KDM4B: variants seen among roughly 807,000 people sequenced by gnomAD.
KDM4B encodes the protein lysine demethylase 4B.
Under a neutral mutation model 125.2 loss-of-function variants are expected in KDM4B, and 32 were observed. The ratio of observed to expected loss-of-function variants is 0.26; its 90% CI spans 0.19 to 0.34. The LOEUF is 0.34. Among genes scored for constraint, KDM4B ranks in the 10% least tolerant of loss-of-function variants. The pLI, the probability that KDM4B is intolerant of heterozygous loss-of-function variation, is 1.00. For missense variants in KDM4B, 1,190 were observed against 1,577.7 expected (o/e 0.75, Z 4.16); for synonymous variants, 721 against 677.9 (o/e 1.06, Z -0.99).
rs1013920838 is a variant in KDM4B, at chr19:5,114,003, G to A, written c.1115+3185G>A. 5.0e-5 allele frequency: 64 copies of A among 1,267,710 alleles called. No homozygotes were observed. The highest frequency in any genetic ancestry group is 2.2e-4 in the Middle Eastern group (1 of 4,568). 78.5% of individuals were successfully genotyped at this position (1,267,710 alleles called of 1,614,324 possible). Reference sequence around the variant, plus strand: ...CAGAACTAAATCTCGTTGAGCGAGCGTTGGGGGCTGTTTGTATTCTTCCCC... The same window carrying A: ...CAGAACTAAATCTCGTTGAGCGAGCATTGGGGGCTGTTTGTATTCTTCCCC... On this transcript the variant is annotated intron_variant, in intron 10 of 22. Coordinates refer to ENST00000159111, the MANE Select transcript of KDM4B (RefSeq NM_015015.3). This position sits in a 1 kb window ranked among gnomAD's most constrained non-coding sequence, Gnocchi z 5.8.
intron 6 of KDM4B, among the ~76,000 whole-genome samples, chr19:5,058,530 G>C (rs925108210): frequency 3.3e-5 from 5 of 152,212 alleles, no homozygotes; most frequent in African/African-American, 1.2e-4. Context: ...TGTTCCAGGA[G>C]GATGGAGTGG....
intron 18 of KDM4B, among the ~76,000 whole-genome samples, chr19:5,139,394 G>A (rs924854595): frequency 2.0e-5 from 3 of 152,228 alleles, no homozygotes; most frequent in African/African-American, 7.2e-5. Context: ...CAGCGGATGT[G>A]GGAGTGTGGT....
At chr19:5,096,354 G>T (rs1391632419) in intron 9 of KDM4B, among the ~76,000 whole-genome samples, 1 of 152,128 alleles carries the variant, frequency 6.6e-6, no homozygotes, top group South Asian at 2.1e-4. Flanking sequence ...CAGAGTACTG[G>T]GATTACAAGC....
intron 9 of KDM4B, among the ~76,000 whole-genome samples, chr19:5,088,616 T>C (rs2038582760): frequency 6.8e-6 from 1 of 146,152 alleles, no homozygotes; most frequent in South Asian, 2.2e-4. Context: ...ACCACCGGAG[T>C]CCCTGAGGGG....
At chr19:4,988,235 T>C (rs1371884199) in intron 1 of KDM4B, among the ~76,000 whole-genome samples, 6 of 152,234 alleles carry the variant, frequency 3.9e-5, no homozygotes, top group African/African-American at 1.4e-4. Context: ...TGTCCTGAGC[T>C]TCTGCTGGAC....
chr19:5,144,220 G>GT (rs759778262), intron 19 of KDM4B, 28 bp from the exon 20 acceptor site: 2 of 1,417,300 alleles, frequency 1.4e-6, no homozygotes, highest in East Asian at 4.9e-5. Context: ...CGCGCTGACC[G>GT]CCCCCCACAC....
At chr19:5,028,672 TCCCACGTCACCGTCCTGCCAGC>T (rs999880369) in intron 2 of KDM4B, among the ~76,000 whole-genome samples, 2 of 152,204 alleles carry the variant, frequency 1.3e-5, no homozygotes, top group African/African-American at 4.8e-5. Flanking sequence ...AGAGCAGCTG[TCCCACGTCACCGTCCTGCCAGC>T]CTGTGTTCGA....
chr19:4,996,573 G>A (rs183404278), intron 1 of KDM4B, among the ~76,000 whole-genome samples: 16 of 150,664 alleles, frequency 1.1e-4, no homozygotes, highest in African/African-American at 3.7e-4. Context: ...ACGCGGTCTC[G>A]CCATGTTGTC....
chr19:5,054,459 AGAATG>A (rs2037330557), intron 6 of KDM4B, among the ~76,000 whole-genome samples: 1 of 110,194 alleles, frequency 9.1e-6, no homozygotes, highest in Non-Finnish European at 1.9e-5. Flanking sequence ...TGAGAGAGAG[AGAATG>A]TGTGTGTGTG....
Position 5,035,982 on chromosome 19 carries a change from A to G in KDM4B, c.141+2951A>G, listed in dbSNP as rs1222912288. ...GCTGCAGAGTCACGTTGGCACCCGC[A>G]TGTGGCACACGCACACCCCCTTCTG... On this transcript the variant is annotated intron_variant, in intron 3 of 22. Coordinates refer to ENST00000159111, the MANE Select transcript of KDM4B (RefSeq NM_015015.3). The surrounding 1 kb of genome is among the most constrained non-coding windows in gnomAD (Gnocchi z 5.3). Among the ~76,000 whole-genome samples the G allele has an allele frequency of 6.6e-6, 1 of 152,004 alleles. No individual in the cohort carries two copies. Among genetic ancestry groups the G allele is most frequent in the Non-Finnish European group, 1.5e-5 (1 of 67,994 alleles).
At chr19:5,033,765 G>A (rs997523029) in intron 3 of KDM4B, among the ~76,000 whole-genome samples, 2 of 151,516 alleles carry the variant, frequency 1.3e-5, no homozygotes, top group Non-Finnish European at 2.9e-5. Flanking sequence ...TCTCTCTCTC[G>A]GCATATTGTG....
At chr19:5,132,411 G>T (rs139887545) in intron 13 of KDM4B, among the ~76,000 whole-genome samples, 2,093 of 152,320 alleles carry the variant, frequency 0.014, 46 homozygotes, top group African/African-American at 0.049. Context: ...TCAGCCGAGA[G>T]CTGCTGTCTT....
At chr19:5,023,082 G>C (rs2036172719) in intron 2 of KDM4B, among the ~76,000 whole-genome samples, 1 of 152,118 alleles carries the variant, frequency 6.6e-6, no homozygotes, top group Non-Finnish European at 1.5e-5. Context: ...AGATGACCCT[G>C]GATGATCTGG....
chr19:5,114,116 G>T lies in KDM4B; in HGVS notation c.1115+3298G>T, dbSNP rs886790779. The T allele has an allele frequency of 2.0e-4, 255 of 1,289,436 alleles. No homozygotes were observed. Among genetic ancestry groups the T allele is most frequent in the Non-Finnish European group, 2.5e-4 (250 of 988,780 alleles). 79.9% of individuals were successfully genotyped at this position (1,289,436 alleles called of 1,614,324 possible). ...TCCCGGTGGCGCTGTGCGTTCTGGT[G>T]CCCTGCCTGAGCCGGAGCCCTCACA... On this transcript the variant is annotated intron_variant, in intron 10 of 22. Transcript: ENST00000159111. This position sits in a 1 kb window ranked among gnomAD's most constrained non-coding sequence, Gnocchi z 5.8.
At chr19:5,130,300 C>T (rs1482037672) in intron 11 of KDM4B, among the ~76,000 whole-genome samples, 1 of 152,208 alleles carries the variant, frequency 6.6e-6, no homozygotes, top group East Asian at 1.9e-4. Context: ...GACCCGCACG[C>T]TTCTGGGGGC....
At chr19:5,120,618 C>G (rs1036791509) in intron 11 of KDM4B, among the ~76,000 whole-genome samples, 5 of 152,344 alleles carry the variant, frequency 3.3e-5, no homozygotes, top group Admixed American at 2.6e-4. Context: ...CTGTGGAACT[C>G]CCACCTGTGA....
chr19:4,988,181 C>T (rs375568799), intron 1 of KDM4B, among the ~76,000 whole-genome samples: 24 of 152,352 alleles, frequency 1.6e-4, no homozygotes, highest in African/African-American at 5.5e-4. Flanking sequence ...CTCCTCCCCA[C>T]GTACCTAACC....
In KDM4B at chr19:5,120,561, C is replaced by T. The variant is rs932298581; in HGVS notation, c.1315+709C>T. Among the ~76,000 whole-genome samples the T allele has an allele frequency of 7.9e-5, 12 of 152,208 alleles. No individual in the cohort carries two copies. In the East Asian group the frequency reaches 1.9e-3, roughly 25 times the overall value. ...CAGTTGTGAACGGGGTGCGGGGGGCCGGGAGGCAGTCTCAGAAACATTACC... is the reference window on the plus strand; with the variant it reads ...CAGTTGTGAACGGGGTGCGGGGGGCTGGGAGGCAGTCTCAGAAACATTACC... On this transcript the variant is annotated intron_variant, in intron 11 of 22. Transcript: ENST00000159111.
intron 8 of KDM4B, 143 bp downstream of exon 8, chr19:5,077,613 C>A (rs2038158240): frequency 3.0e-6 from 2 of 660,926 alleles, no homozygotes; most frequent in East Asian, 5.5e-5. Context: ...AGGAGGGCCG[C>A]ATGGCTCAGC....
Sources: allele counts gnomAD v4.1 joint callset (sites outside exome capture counted in the v4.1 genomes callset), GRCh38; gene constraint gnomAD v4.1.1; non-coding constraint Gnocchi (gnomAD v3.1); transcripts MANE v1.5; gene names NCBI Gene and HGNC (gene_info 2026-07-23, HGNC 2026-07-21).